NCF2: variants seen among roughly 807,000 people sequenced by gnomAD.
The protein encoded by NCF2 is neutrophil cytosol factor 2.
A neutral mutation model predicts 70.9 loss-of-function variants in NCF2; 45 were observed. The observed-to-expected ratio is 0.63, with a 90% confidence interval of 0.50 to 0.81. The LOEUF (loss-of-function observed/expected upper bound fraction) is 0.81, where lower values mean the gene tolerates loss of function less well. NCF2 is among the 40% of genes least tolerant of loss of function. The pLI is 0.00. For missense variants in NCF2, 522 were observed against 631.6 expected (o/e 0.83, Z 1.86); for synonymous variants, 203 against 233.6 (o/e 0.87, Z 1.19).
At chr1:183,580,125 G>A (rs1227154892) in intron 2 of NCF2, among the ~76,000 whole-genome samples, 3 of 152,218 alleles carry the variant, frequency 2.0e-5, no homozygotes, top group Admixed American at 1.3e-4. Context: ...CATTAGGGTT[G>A]AGGTAAGTCA....
intron 13 of NCF2, among the ~76,000 whole-genome samples, chr1:183,561,985 G>A (rs989688886): frequency 6.6e-6 from 1 of 151,708 alleles, no homozygotes; most frequent in African/African-American, 2.4e-5. Flanking sequence ...AGTAGAGATG[G>A]GGTTTCACCA....
upstream of NCF2, among the ~76,000 whole-genome samples, chr1:183,592,985 T>C (rs1481373212): frequency 6.6e-6 from 1 of 152,162 alleles, no homozygotes; most frequent in African/African-American, 2.4e-5. Context: ...CCTGCTAAAA[T>C]AGCACTCTCC....
intron 1 of NCF2, among the ~76,000 whole-genome samples, chr1:183,589,907 T>G (rs1388293277): frequency 1.3e-5 from 2 of 152,122 alleles, no homozygotes; most frequent in Non-Finnish European, 2.9e-5. Flanking sequence ...TGTAGAATGA[T>G]TTTAATTTAG....
At chr1:183,583,292 G>T (rs1673196664) in intron 2 of NCF2, among the ~76,000 whole-genome samples, 1 of 152,184 alleles carries the variant, frequency 6.6e-6, no homozygotes, top group South Asian at 2.1e-4. Flanking sequence ...GACCTCAGGT[G>T]ATCCGCCTAC....
intron 2 of NCF2, among the ~76,000 whole-genome samples, chr1:183,584,424 T>G (rs1673246097): frequency 2.6e-5 from 4 of 152,144 alleles, no homozygotes; most frequent in African/African-American, 7.2e-5. Context: ...CAGATAAAAC[T>G]CGGTAGATTT....
chr1:183,599,423 C>CTTCCTTCCTTCT, the NCF2 span, among the ~76,000 whole-genome samples: 1 of 107,426 alleles, frequency 9.3e-6, no homozygotes, highest in African/African-American at 3.8e-5. Flanking sequence ...TCTTTCTTTC[C>CTTCCTTCCTTCT]TTCTTTCTTT....
rs886045655 is a variant in NCF2, at chr1:183,563,238, T to C, written c.1247A>G (p.Gln416Arg). ...CAGAGTCAGGCAGTAGTTTTTCACC[T>C]GGCCCCAGGCATCCTTCATGCTGTC... Reference protein sequence around the residue: ...SEDSMKDAWGQVKNYCLTLWC... With the variant: ...SEDSMKDAWGRVKNYCLTLWC... Residue 416 changes from glutamine to arginine, a missense_variant, in exon 13 of 15, where the codon CAG (glutamine) becomes CGG (arginine). Physicochemically the swap from Gln to Arg is conservative, Grantham distance 43. Coordinates refer to ENST00000367535, the MANE Select transcript of NCF2 (RefSeq NM_000433.4). 1.4e-5 allele frequency: 22 copies of C among 1,614,210 alleles called. No homozygotes were observed. Among genetic ancestry groups the C allele is most frequent in the Non-Finnish European group, 1.9e-5 (22 of 1,180,040 alleles).
chr1:183,601,817 C>T, the NCF2 span, among the ~76,000 whole-genome samples: 2 of 146,210 alleles, frequency 1.4e-5, no homozygotes, highest in African/African-American at 2.6e-5. Context: ...AGGATCGTGC[C>T]ATTGCACTCC....
chr1:183,555,597 C>A lies in NCF2; in HGVS notation c.*521G>T. The A allele has an allele frequency of 6.2e-6, 1 of 160,668 alleles. No individual in the cohort carries two copies. The highest frequency in any genetic ancestry group is 1.4e-5 in the Non-Finnish European group (1 of 72,522). The allele number at this position is 160,668 out of a possible 1,614,324, so 10.0% of individuals were successfully genotyped here. On this transcript the variant is annotated 3_prime_UTR_variant, in exon 15 of 15. Transcript: ENST00000367535. ...AAACAAACAAGTTTATTTGTATATG[C>A]CTTATGAGTAACCTATAAGGTTACT...
intron 3 of NCF2, among the ~76,000 whole-genome samples, 177 bp downstream of exon 3, chr1:183,577,422 G>A (rs938862097): frequency 1.3e-5 from 2 of 152,178 alleles, no homozygotes; most frequent in Non-Finnish European, 2.9e-5. Context: ...GCCTTGATGA[G>A]CCTGAAATAA....
chr1:183,555,699 G>GTGTCT lies in NCF2; in HGVS notation c.*414_*418dup, dbSNP rs1671731688. 3 of 203,524 alleles carry GTGTCT rather than the reference G, an allele frequency of 1.5e-5. No homozygotes were observed. The highest frequency in any genetic ancestry group is 3.0e-5 in the Non-Finnish European group (3 of 98,636). 12.6% of individuals were successfully genotyped at this position (203,524 alleles called of 1,614,324 possible). On this transcript the variant is annotated 3_prime_UTR_variant, in exon 15 of 15. Transcript: ENST00000367535. Reference sequence around the variant, plus strand: ...ACTTACTCCTTGGGCCTGGACTTGGGTGTCTTGTTTTTGTAAGATGCTAGG... The same window carrying GTGTCT: ...ACTTACTCCTTGGGCCTGGACTTGGGTGTCTTGTCTTGTTTTTGTAAGATGCTAGG...
chr1:183,583,876 A>T (rs569329273), intron 2 of NCF2, among the ~76,000 whole-genome samples: 99 of 152,248 alleles, frequency 6.5e-4, no homozygotes, highest in Non-Finnish European at 7.8e-4. Context: ...TGCTTTTTTT[A>T]AATTTTTTTT....
intron 5 of NCF2, among the ~76,000 whole-genome samples, chr1:183,571,122 T>C (rs965387626): frequency 1.4e-5 from 2 of 147,106 alleles, no homozygotes; most frequent in African/African-American, 5.0e-5. Flanking sequence ...ATCTTTTTTT[T>C]TTTTTTTTTT....
chr1:183,562,479 A>T (rs1672107475), intron 13 of NCF2, among the ~76,000 whole-genome samples: 1 of 152,110 alleles, frequency 6.6e-6, no homozygotes, highest in African/African-American at 2.4e-5. Flanking sequence ...TATTTCCTGA[A>T]GGCAATTTTC....
chr1:183,592,049 A>T (rs35587632), upstream of NCF2, among the ~76,000 whole-genome samples: 607 of 152,328 alleles, frequency 4.0e-3, 7 homozygotes, highest in African/African-American at 0.014. Context: ...GGGTATAGCC[A>T]ATTTGGCTTG....
intron 4 of NCF2, 24 bp from the exon 5 acceptor site, chr1:183,573,316 T>C: frequency 6.2e-7 from 1 of 1,604,888 alleles, no homozygotes. Context: ...AACGTAGCAT[T>C]CCCTTATGTG....
At chr1:183,560,568 C>G (rs755198136) in intron 13 of NCF2, among the ~76,000 whole-genome samples, 1 of 152,136 alleles carries the variant, frequency 6.6e-6, no homozygotes, top group African/African-American at 2.4e-5. Flanking sequence ...CACCTCAGAT[C>G]GTCAGGCATT....
In NCF2 at chr1:183,556,051, G is replaced by A; in HGVS notation, c.*67C>T. 7.9e-7 allele frequency: 1 copy of A among 1,264,048 alleles called. No homozygotes were observed. The highest frequency in any genetic ancestry group is 1.2e-5 in the South Asian group (1 of 83,744). 78.3% of individuals were successfully genotyped at this position (1,264,048 alleles called of 1,614,324 possible). On this transcript the variant is annotated 3_prime_UTR_variant, in exon 15 of 15. Transcript: ENST00000367535. ...TGTCTCAGTACAGTATACAGCAGAA[G>A]GGTGCTAAATCTTACAAACAAGTAA...
intron 2 of NCF2, among the ~76,000 whole-genome samples, chr1:183,585,847 T>C (rs988678959): frequency 6.6e-6 from 1 of 152,214 alleles, no homozygotes; most frequent in Non-Finnish European, 1.5e-5. Flanking sequence ...TATTAATCTT[T>C]GTACTAATTA....
Sources: allele counts gnomAD v4.1 joint callset (sites outside exome capture counted in the v4.1 genomes callset), GRCh38; gene constraint gnomAD v4.1.1; transcripts MANE v1.5; gene names NCBI Gene and HGNC (gene_info 2026-07-23, HGNC 2026-07-21).